LRMDA: variants seen among roughly 807,000 people sequenced by gnomAD.
LRMDA encodes leucine-rich melanocyte differentiation-associated protein.
Under a neutral mutation model 29.8 loss-of-function variants are expected in LRMDA, and 18 were observed. That is an observed-to-expected ratio of 0.60 (90% CI 0.42 to 0.90). LRMDA has a LOEUF of 0.90. Ranked by LOEUF, LRMDA falls within the 40% of genes least tolerant of loss-of-function variation. LRMDA has a pLI of 0.00. For missense variants in LRMDA, 273 were observed against 273.9 expected (o/e 1.00, Z 0.02); for synonymous variants, 125 against 109.4 (o/e 1.14, Z -0.89).
At chr10:75,850,499 T>G (rs1400205225) in intron 2 of LRMDA, among the ~76,000 whole-genome samples, 1 of 152,232 alleles carries the variant, frequency 6.6e-6, no homozygotes, top group African/African-American at 2.4e-5. Flanking sequence ...TCCCAAGAAT[T>G]ACTGGGTGGG....
intron 6 of LRMDA, among the ~76,000 whole-genome samples, chr10:76,546,602 G>T (rs1156611532): frequency 6.6e-6 from 1 of 152,092 alleles, no homozygotes; most frequent in Non-Finnish European, 1.5e-5. Context: ...GAGGCCTCTC[G>T]GCTGAAATGG....
chr10:76,248,996 C>T lies in LRMDA; in HGVS notation c.517-75405C>T, dbSNP rs1168532042. On this transcript the variant is annotated intron_variant, in intron 5 of 6. Coordinates refer to ENST00000611255, the MANE Select transcript of LRMDA (RefSeq NM_001305581.2). ...AACAGAAATCTAACCATGTTCCTTA[C>T]AGCCTAGAACTCTGTACACAAAGAT... Among the ~76,000 whole-genome samples, 3 of 152,204 alleles carry T rather than the reference C, an allele frequency of 2.0e-5. No homozygotes were observed. The East Asian group carries it at 5.8e-4, about 29-fold the overall frequency.
intron 2 of LRMDA, among the ~76,000 whole-genome samples, chr10:75,817,648 G>T (rs1844084026): frequency 6.6e-6 from 1 of 152,194 alleles, no homozygotes; most frequent in Non-Finnish European, 1.5e-5. Flanking sequence ...AAAGACAATG[G>T]ATGTGGTATG....
rs1589237498 is a variant in LRMDA at position 76,559,904 on chromosome 10, G to A, written c.*2616G>A. 6.6e-6 allele frequency: 1 copy of A among 152,320 alleles called. No homozygotes were observed. Among genetic ancestry groups the A allele is most frequent in the African/African-American group, 2.4e-5 (1 of 41,562 alleles). The allele number at this position is 152,320 out of a possible 1,614,324, so 9.4% of individuals were successfully genotyped here. ...TTGCCTCAGCAATGTCAGGACGACT[G>A]TCTCTTTCCTAAGTAACATAATTTT... On this transcript the variant is annotated 3_prime_UTR_variant, in exon 7 of 7. Transcript: ENST00000611255.
At chr10:76,123,887 T>C (rs529477110) in intron 5 of LRMDA, among the ~76,000 whole-genome samples, 1 of 152,340 alleles carries the variant, frequency 6.6e-6, no homozygotes, top group South Asian at 2.1e-4. Context: ...AATGAATTAA[T>C]AACTGGTTGA....
intron 6 of LRMDA, among the ~76,000 whole-genome samples, chr10:76,465,261 C>T (rs1589198679): frequency 6.6e-6 from 1 of 152,090 alleles, no homozygotes; most frequent in East Asian, 1.9e-4. Context: ...ATATGAGCTC[C>T]AAGAAATAAA....
chr10:75,912,671 A>G (rs889153099), intron 2 of LRMDA, among the ~76,000 whole-genome samples: 1 of 152,152 alleles, frequency 6.6e-6, no homozygotes, highest in African/African-American at 2.4e-5. Flanking sequence ...GTAGAGTTCT[A>G]CTTATTGATG....
At chr10:75,927,693 A>G (rs1052773320) in intron 2 of LRMDA, among the ~76,000 whole-genome samples, 1 of 152,238 alleles carries the variant, frequency 6.6e-6, no homozygotes, top group African/African-American at 2.4e-5. Flanking sequence ...ACTGAAGTTT[A>G]GAAAGGTTAA....
intron 2 of LRMDA, among the ~76,000 whole-genome samples, chr10:75,520,795 T>C (rs971024659): frequency 6.6e-6 from 1 of 152,242 alleles, no homozygotes; most frequent in Non-Finnish European, 1.5e-5. Context: ...TTTTCTGCTT[T>C]GGTTTCTCTC....
Position 75,779,238 on chromosome 10 carries a change from G to A in LRMDA, c.132-256770G>A, listed in dbSNP as rs549658516. Among the ~76,000 whole-genome samples, 13 of 152,228 alleles carry A rather than the reference G, an allele frequency of 8.5e-5. No homozygotes were observed. In the East Asian group the frequency reaches 2.3e-3, roughly 27 times the overall value. On this transcript the variant is annotated intron_variant, in intron 2 of 6. Coordinates refer to ENST00000611255, the MANE Select transcript of LRMDA (RefSeq NM_001305581.2). ...CTCATTTCAGTTTTGGATGAATTAA[G>A]CTAGAAAACATTTATATTTGACCCC...
At chr10:76,478,181 C>A (rs1299484261) in intron 6 of LRMDA, among the ~76,000 whole-genome samples, 3 of 151,976 alleles carry the variant, frequency 2.0e-5, no homozygotes, top group Non-Finnish European at 2.9e-5. Context: ...CCAGAATCTA[C>A]AATGAACTCC....
At chr10:76,141,460 G>A (rs1488362193) in intron 5 of LRMDA, among the ~76,000 whole-genome samples, 1 of 152,090 alleles carries the variant, frequency 6.6e-6, no homozygotes, top group Non-Finnish European at 1.5e-5. Flanking sequence ...AAGATCATGT[G>A]TAATTAACAT....
At chr10:76,159,863 C>A (rs1451739171) in intron 5 of LRMDA, among the ~76,000 whole-genome samples, 1 of 151,982 alleles carries the variant, frequency 6.6e-6, no homozygotes, top group Non-Finnish European at 1.5e-5. Context: ...CAGTGGTTGT[C>A]AGGTGTTATG....
intron 5 of LRMDA, among the ~76,000 whole-genome samples, chr10:76,110,006 AGGTTTTCATGGGAC>A (rs1849551282): frequency 6.6e-6 from 1 of 152,046 alleles, no homozygotes; most frequent in Non-Finnish European, 1.5e-5. Context: ...ATTCACATCC[AGGTTTTCATGGGAC>A]AGCCACAGTT....
At chr10:76,423,882 T>TCTC (rs1842095806) in intron 6 of LRMDA, among the ~76,000 whole-genome samples, 3 of 151,762 alleles carry the variant, frequency 2.0e-5, no homozygotes, top group Non-Finnish European at 4.4e-5. Context: ...CCCCAAGGGG[T>TCTC]GAGGGGAGGT....
At chr10:76,260,468 G>A (rs1321410929) in intron 5 of LRMDA, among the ~76,000 whole-genome samples, 1 of 151,954 alleles carries the variant, frequency 6.6e-6, no homozygotes, top group African/African-American at 2.4e-5. Context: ...TAATATTCTT[G>A]GCTGACATTT....
At chr10:75,524,796 A>C (rs1326924762) in intron 2 of LRMDA, among the ~76,000 whole-genome samples, 2 of 152,258 alleles carry the variant, frequency 1.3e-5, no homozygotes, top group East Asian at 3.9e-4. Flanking sequence ...ATTTTGTCCC[A>C]TCCATCCATC....
intron 5 of LRMDA, among the ~76,000 whole-genome samples, chr10:76,252,128 A>G (rs766768097): frequency 8.5e-5 from 13 of 152,106 alleles, no homozygotes; most frequent in South Asian, 2.1e-4. Flanking sequence ...GCTCTCCCCA[A>G]TGACGCACAC....
At position 76,239,684 on chromosome 10, in the gene LRMDA, C is replaced by T. The variant is rs144606606; in HGVS notation, c.517-84717C>T. The stretch of plus-strand genomic sequence containing the variant: ...CCCACATTCTGCTTTGGCTGGTTGC[C>T]TCCTTGCCATGCCATCTAACTTGTT... On this transcript the variant is annotated intron_variant, in intron 5 of 6. Transcript: ENST00000611255. 2.1e-3 allele frequency among the ~76,000 whole-genome samples: 325 copies of T among 152,122 alleles called. 2 individuals are homozygous for T. The highest frequency in any genetic ancestry group is 7.1e-3 in the African/African-American group (295 of 41,516).
Sources: gnomAD v4.1 joint callset for allele counts (sites outside exome capture counted in the v4.1 genomes callset) on GRCh38, gnomAD v4.1.1 for gene constraint, MANE v1.5 for transcripts, NCBI Gene and HGNC (gene_info 2026-07-23, HGNC 2026-07-21) for gene names.